The following LRRC53 variants were observed in gnomAD, a reference collection of about 807,000 sequenced individuals.
LRRC53 encodes leucine rich repeat containing 53.
A neutral mutation model predicts 13.6 loss-of-function variants in LRRC53; 25 were observed. The ratio of observed to expected loss-of-function variants is 1.83; its 90% confidence interval spans 1.34 to 2.56. The LOEUF is 2.56. LRRC53 is among the 30% of genes most tolerant of loss of function. The pLI is 0.00. For synonymous variants in LRRC53, 204 were observed against 109.8 expected (o/e 1.86, Z -5.37); for missense variants, 527 against 275.8 (o/e 1.91, Z -6.45).
chr1:74,492,348 T>G, intron 1 of LRRC53: 1 of 1,348,870 alleles, frequency 7.4e-7, no homozygotes, highest in Admixed American at 2.6e-5. Context: ...TGATTACTAT[T>G]AACAGGGTTT....
chr1:74,485,773 C>G (rs1668727031), intron 1 of LRRC53, among the ~76,000 whole-genome samples: 1 of 152,158 alleles, frequency 6.6e-6, no homozygotes, highest in East Asian at 1.9e-4. Flanking sequence ...TGTGAACTGC[C>G]TATTTGGCAA....
intron 4 of LRRC53, among the ~76,000 whole-genome samples, chr1:74,472,878 G>A (rs1668006170): frequency 1.3e-5 from 2 of 151,962 alleles, no homozygotes; most frequent in Non-Finnish European, 2.9e-5. Context: ...TCTTCTGCTA[G>A]CTTCTTTTAA....
At chr1:74,513,827 A>AG (rs1646305050), upstream of LRRC53, among the ~76,000 whole-genome samples, 4 of 152,234 alleles carry the variant, frequency 2.6e-5, no homozygotes, top group South Asian at 8.3e-4. Context: ...TTTCACAAAA[A>AG]GGAGACCTGA....
chr1:74,503,520 A>G (rs548610537), intron 1 of LRRC53, among the ~76,000 whole-genome samples: 107 of 152,276 alleles, frequency 7.0e-4, no homozygotes, highest in African/African-American at 2.4e-3. Flanking sequence ...CTTAAGTTCT[A>G]TGGATCTTGT....
chr1:74,495,113 T>C (rs1245965393), intron 1 of LRRC53, among the ~76,000 whole-genome samples: 1 of 152,214 alleles, frequency 6.6e-6, no homozygotes, highest in South Asian at 2.1e-4. Flanking sequence ...AAGTGTTTTA[T>C]AGCCTTCTGG....
intron 1 of LRRC53, among the ~76,000 whole-genome samples, chr1:74,509,183 T>C (rs1670056334): frequency 6.6e-6 from 1 of 152,220 alleles, no homozygotes; most frequent in African/African-American, 2.4e-5. Flanking sequence ...AGCTTTTCCT[T>C]ACTTATTTAC....
chr1:74,483,672 A>ACAT (rs1668610682), intron 1 of LRRC53, among the ~76,000 whole-genome samples: 1 of 152,212 alleles, frequency 6.6e-6, no homozygotes, highest in Non-Finnish European at 1.5e-5. Flanking sequence ...CTTTCACCAA[A>ACAT]CATTATCTTA....
chr1:74,497,752 A>C (rs1229109549), intron 1 of LRRC53, among the ~76,000 whole-genome samples: 13 of 152,046 alleles, frequency 8.6e-5, no homozygotes, highest in Non-Finnish European at 1.9e-4. Flanking sequence ...TACCATCATA[A>C]TTTTTATTAT....
intron 1 of LRRC53, among the ~76,000 whole-genome samples, chr1:74,485,652 T>A (rs1668719972): frequency 3.3e-5 from 5 of 152,152 alleles, no homozygotes; most frequent in Admixed American, 2.6e-4. Context: ...CCCAAGTGGG[T>A]CTGACCTAAC....
the LRRC53 span, among the ~76,000 whole-genome samples, chr1:74,531,736 T>C: frequency 3.9e-5 from 6 of 152,210 alleles, no homozygotes; most frequent in Admixed American, 2.0e-4. Context: ...TTAAGTATTA[T>C]TGTATGTGTT....
At chr1:74,532,632 C>T in the LRRC53 span, among the ~76,000 whole-genome samples, 3 of 151,850 alleles carry the variant, frequency 2.0e-5, no homozygotes, top group East Asian at 5.8e-4. Flanking sequence ...CCCCTCGCCC[C>T]ACCCCACAGC....
chr1:74,503,515 G>C (rs1025298830), intron 1 of LRRC53, among the ~76,000 whole-genome samples: 5 of 152,212 alleles, frequency 3.3e-5, no homozygotes, highest in South Asian at 2.1e-4. Flanking sequence ...GTTGACTTAA[G>C]TTCTATGGAT....
rs1166579320 is a variant in LRRC53 at position 74,475,815 on chromosome 1, G to A, written c.905-5C>T. 2 of 575,382 alleles carry A rather than the reference G, an allele frequency of 3.5e-6. No homozygotes were observed. The highest frequency in any genetic ancestry group is 6.3e-6 in the Non-Finnish European group (2 of 315,870). 35.6% of individuals were successfully genotyped at this position (575,382 alleles called of 1,614,324 possible). A position where few individuals can be genotyped will look rare whatever the true frequency, so the allele number is the denominator to read the frequency against. Reference sequence around the variant, plus strand: ...GGCAAGTGAGACCAACAGCTCCTATGACAAATAGAGAGACCATTAAAAGAT... The same window carrying A: ...GGCAAGTGAGACCAACAGCTCCTATAACAAATAGAGAGACCATTAAAAGAT... On this transcript the variant is annotated splice_polypyrimidine_tract_variant and splice_region_variant and intron_variant, in intron 3 of 4. Coordinates refer to ENST00000294635, the MANE Select transcript of LRRC53 (RefSeq NM_001382280.1).
At chr1:74,479,555 C>T (rs1413107179) in intron 3 of LRRC53, among the ~76,000 whole-genome samples, 1 of 152,082 alleles carries the variant, frequency 6.6e-6, no homozygotes, top group East Asian at 1.9e-4. Flanking sequence ...AATAGCAGAG[C>T]CAGGATTCAA....
At chr1:74,520,472 G>A in the LRRC53 span, among the ~76,000 whole-genome samples, 1 of 151,870 alleles carries the variant, frequency 6.6e-6, no homozygotes, top group African/African-American at 2.4e-5. Flanking sequence ...TCATTTCTGA[G>A]GCCCATCCAT....
chr1:74,527,100 C>T, the LRRC53 span, among the ~76,000 whole-genome samples: 5 of 152,300 alleles, frequency 3.3e-5, no homozygotes, highest in South Asian at 4.1e-4. Context: ...AAACTGTATA[C>T]ATTGGAAATC....
At chr1:74,488,255 A>T (rs555595123) in intron 1 of LRRC53, among the ~76,000 whole-genome samples, 1 of 152,172 alleles carries the variant, frequency 6.6e-6, no homozygotes, top group Admixed American at 6.5e-5. Context: ...TGCTCACTCC[A>T]CTGCTCCCAC....
In LRRC53 at chr1:74,487,453, C is replaced by T. The variant is rs74691615; in HGVS notation, c.-26-4078G>A. ...TAATAGGCTCTCTGAATAGTACTGACGGTCCATGGGAGATTAGAGGGTCAA... is the reference window on the plus strand; with the variant it reads ...TAATAGGCTCTCTGAATAGTACTGATGGTCCATGGGAGATTAGAGGGTCAA... On this transcript the variant is annotated intron_variant, in intron 1 of 4. Transcript: ENST00000294635. Among the ~76,000 whole-genome samples, 76 of 152,228 alleles carry T rather than the reference C, an allele frequency of 5.0e-4. 2 individuals carry two copies. Among genetic ancestry groups the T allele is most frequent in the African/African-American group, 1.5e-3 (64 of 41,540 alleles).
At chr1:74,515,297 C>T (rs1266616997), upstream of LRRC53, among the ~76,000 whole-genome samples, 1 of 152,130 alleles carries the variant, frequency 6.6e-6, no homozygotes, top group Non-Finnish European at 1.5e-5. Context: ...CAGTGCCCTT[C>T]CTGAGGGTCA....
Sources: allele counts gnomAD v4.1 joint callset (sites outside exome capture counted in the v4.1 genomes callset), GRCh38; gene constraint gnomAD v4.1.1; transcripts MANE v1.5; gene names NCBI Gene and HGNC (gene_info 2026-07-23, HGNC 2026-07-21).